Variants in GEMIN8 observed in about 807,000 individuals in gnomAD.
The protein encoded by GEMIN8 is gem-associated protein 8.
For missense variants in GEMIN8, 185 were observed against 205.9 expected, an observed-to-expected ratio of 0.90 and a Z score of 0.62; for synonymous variants, 80 against 78.5, an observed-to-expected ratio of 1.02 and a Z score of -0.10.
At chrX:13,987,144 GC>G in the GEMIN8 span, among the ~76,000 whole-genome samples, 4 of 111,559 alleles carry the variant, frequency 3.6e-5, no homozygotes, top group Non-Finnish European at 5.6e-5. Context: ...ACTCCAGGGA[GC>G]CCCTTCCTCA....
chrX:14,028,923 A>G (rs1357197893), intron 1 of GEMIN8, among the ~76,000 whole-genome samples: 1 of 112,579 alleles, frequency 8.9e-6, no homozygotes, highest in Non-Finnish European at 1.9e-5. Flanking sequence ...CTGTGAGCAT[A>G]AATAATCCTA....
At chrX:14,014,969 A>AC (rs982101682) in intron 4 of GEMIN8, among the ~76,000 whole-genome samples, 5 of 110,985 alleles carry the variant, frequency 4.5e-5, no homozygotes, top group Admixed American at 9.6e-5. Context: ...CACTGGCTCT[A>AC]CCCCTCATGT....
chrX:14,026,016 T>C (rs1379283056), intron 2 of GEMIN8, 124 bp downstream of exon 2: 2 of 728,212 alleles, frequency 2.7e-6, no homozygotes, highest in Non-Finnish European at 3.2e-6. Context: ...TCTAAATAAT[T>C]ATAGACATTA....
intron 2 of GEMIN8, 154 bp downstream of exon 2, chrX:14,025,986 G>A: frequency 1.6e-6 from 1 of 631,229 alleles, no homozygotes; most frequent in Non-Finnish European, 1.9e-6. Flanking sequence ...AAGAATGCCT[G>A]GGTTTCTGAA....
At chrX:14,002,385 T>G (rs1923007960), downstream of GEMIN8, among the ~76,000 whole-genome samples, 1 of 110,908 alleles carries the variant, frequency 9.0e-6, no homozygotes, top group South Asian at 3.8e-4. Context: ...ATAGAGTTCT[T>G]CAGGGCCCCA....
chrX:13,997,463 G>A, the GEMIN8 span, among the ~76,000 whole-genome samples: 2 of 111,952 alleles, frequency 1.8e-5, no homozygotes, highest in Non-Finnish European at 3.8e-5. Context: ...GAGCCCAGGG[G>A]AGACTGGCAG....
chrX:13,998,077 CTT>C, the GEMIN8 span, among the ~76,000 whole-genome samples: 14 of 91,619 alleles, frequency 1.5e-4, no homozygotes, highest in East Asian at 3.3e-4. Context: ...ACCATTTTTG[CTT>C]TTTTTTTTTT....
intron 4 of GEMIN8, among the ~76,000 whole-genome samples, chrX:14,015,552 A>G (rs1184109713): frequency 8.9e-6 from 1 of 112,249 alleles, no homozygotes. Flanking sequence ...AGTAGCAATC[A>G]CAAAAAAGAA....
the GEMIN8 span, among the ~76,000 whole-genome samples, chrX:13,997,605 A>G: frequency 6.7e-3 from 751 of 112,375 alleles, 11 homozygotes; most frequent in African/African-American, 0.023. Context: ...GATCAAAAGA[A>G]TCATAGAGGC....
chrX:13,999,606 C>T, the GEMIN8 span, among the ~76,000 whole-genome samples: 2 of 111,565 alleles, frequency 1.8e-5, no homozygotes, highest in South Asian at 7.6e-4. Flanking sequence ...AGATTTTCCA[C>T]TAATATCCTT....
intron 4 of GEMIN8, among the ~76,000 whole-genome samples, chrX:14,011,036 C>T (rs1422096471): frequency 6.3e-5 from 7 of 111,765 alleles, no homozygotes; most frequent in Non-Finnish European, 3.8e-5. Flanking sequence ...AGAAAGCACT[C>T]GACAACCGCC....
At chrX:14,013,700 G>A (rs1923713920) in intron 4 of GEMIN8, among the ~76,000 whole-genome samples, 1 of 111,236 alleles carries the variant, frequency 9.0e-6, no homozygotes, top group Admixed American at 9.5e-5. Context: ...GGAAACACCA[G>A]AAGTTGGAAG....
intron 4 of GEMIN8, among the ~76,000 whole-genome samples, chrX:14,019,772 A>T (rs7065577): frequency 6.4e-4 from 63 of 98,423 alleles, no homozygotes; most frequent in East Asian, 9.9e-4. Flanking sequence ...AGATCAGAGC[A>T]CGCACACACA....
chrX:13,984,656 A>G, the GEMIN8 span, among the ~76,000 whole-genome samples: 1 of 112,158 alleles, frequency 8.9e-6, no homozygotes, highest in East Asian at 2.8e-4. Flanking sequence ...CTCAGTAAGT[A>G]CTTGAGAGCA....
chrX:14,027,646 A>G (rs1252494066), intron 1 of GEMIN8, among the ~76,000 whole-genome samples: 4 of 112,802 alleles, frequency 3.5e-5, no homozygotes, highest in Non-Finnish European at 7.5e-5. Context: ...GGCTGAAAGG[A>G]TGCAGTTAAC....
At chrX:14,024,190 T>C (rs1924543263) in intron 2 of GEMIN8, among the ~76,000 whole-genome samples, 1 of 112,057 alleles carries the variant, frequency 8.9e-6, no homozygotes, top group Admixed American at 9.4e-5. Flanking sequence ...GCTGCTCAAA[T>C]GTCAATGGCT....
At chrX:14,004,358 G>A (rs1923070373), downstream of GEMIN8, among the ~76,000 whole-genome samples, 1 of 111,953 alleles carries the variant, frequency 8.9e-6, no homozygotes, top group Non-Finnish European at 1.9e-5. Context: ...ATTATTATGT[G>A]GCAGTGCCCA....
chrX:14,022,538 G>T (rs761131914), intron 2 of GEMIN8, among the ~76,000 whole-genome samples: 1 of 111,486 alleles, frequency 9.0e-6, no homozygotes, highest in East Asian at 2.8e-4. Flanking sequence ...TTCGATGCAT[G>T]AAATACCCAA....
In GEMIN8 at chrX:14,020,382, T is replaced by G. The variant is rs772792622; in HGVS notation, c.168A>C (p.Leu56Phe). ...AGCTTTGGGGAAGAAGCGCAGAAGG[T>G]AAGTACCATGGAAGATTGAAACAGG... ...VESCFNLPWYLPSALLPQSSY... is the reference protein window; with the variant it reads ...VESCFNLPWYFPSALLPQSSY... Residue 56 changes from leucine (L) to phenylalanine (F), a missense_variant, in exon 4 of 5, where the codon TTA (leucine) becomes TTC (phenylalanine). By Grantham distance (22) the Leu-to-Phe change is conservative. Transcript: ENST00000680255. 3 of 1,209,290 alleles carry G rather than the reference T, an allele frequency of 2.5e-6. No individual in the cohort carries two copies. Among genetic ancestry groups the G allele is most frequent in the Non-Finnish European group, 3.4e-6 (3 of 894,457 alleles).
Sources: gnomAD v4.1 joint callset for allele counts (sites outside exome capture counted in the v4.1 genomes callset) on GRCh38, gnomAD v4.1.1 for gene constraint, MANE v1.5 for transcripts, NCBI Gene and HGNC (gene_info 2026-07-23, HGNC 2026-07-21) for gene names.